Variants in SPOCK1 observed in about 807,000 individuals in gnomAD.
SPOCK1 encodes the protein testican-1.
Under a neutral mutation model 55.3 loss-of-function variants are expected in SPOCK1, and 23 were observed. The ratio of observed to expected loss-of-function variants is 0.42; its 90% CI spans 0.30 to 0.59. The LOEUF (loss-of-function observed/expected upper bound fraction) is 0.59, where lower values mean the gene tolerates loss of function less well. Ranked by LOEUF, SPOCK1 falls within the 20% of genes least tolerant of loss-of-function variation. The pLI, the probability that SPOCK1 is intolerant of heterozygous loss-of-function variation, is 0.22. For synonymous variants in SPOCK1, 226 were observed against 221.0 expected, an observed-to-expected ratio of 1.02 and a Z score of -0.20; for missense variants, 499 against 552.5, an observed-to-expected ratio of 0.90 and a Z score of 0.97.
At chr5:137,235,311 G>T (rs546930416) in intron 3 of SPOCK1, among the ~76,000 whole-genome samples, 1 of 152,192 alleles carries the variant, frequency 6.6e-6, no homozygotes, top group Non-Finnish European at 1.5e-5. Flanking sequence ...AAGGTAAAAG[G>T]GTGTTTATGT....
chr5:137,055,346 C>A (rs1027245994), intron 6 of SPOCK1, among the ~76,000 whole-genome samples: 6 of 152,180 alleles, frequency 3.9e-5, no homozygotes, highest in Admixed American at 3.9e-4. Flanking sequence ...CAGACCCAGT[C>A]ACTGTCCTCA....
chr5:137,345,723 C>G (rs1750542066), intron 2 of SPOCK1, among the ~76,000 whole-genome samples: 1 of 152,210 alleles, frequency 6.6e-6, no homozygotes, highest in East Asian at 1.9e-4. Context: ...GAATGTGTAA[C>G]AAACTGCAGG....
intron 5 of SPOCK1, among the ~76,000 whole-genome samples, chr5:137,097,894 C>T (rs1469699368): frequency 6.6e-6 from 1 of 152,164 alleles, no homozygotes; most frequent in South Asian, 2.1e-4. Flanking sequence ...CTGCCGTTAC[C>T]ACCACCATCG....
intron 3 of SPOCK1, among the ~76,000 whole-genome samples, chr5:137,194,122 C>T (rs73304855): frequency 4.6e-5 from 7 of 152,112 alleles, no homozygotes; most frequent in African/African-American, 7.2e-5. Context: ...AATGGCGAAG[C>T]ATTTAATTGC....
At chr5:137,054,231 CAG>C (rs1169962503) in intron 6 of SPOCK1, among the ~76,000 whole-genome samples, 4 of 152,148 alleles carry the variant, frequency 2.6e-5, no homozygotes, top group Admixed American at 6.5e-5. Flanking sequence ...AACTGAGACT[CAG>C]AGAAGTTAAG....
At chr5:137,356,377 T>C (rs1463675020) in intron 2 of SPOCK1, among the ~76,000 whole-genome samples, 1 of 152,138 alleles carries the variant, frequency 6.6e-6, no homozygotes, top group African/African-American at 2.4e-5. Context: ...GGAAACTTAG[T>C]GGGAAATCTA....
At position 137,247,109 on chromosome 5, in the gene SPOCK1, A is replaced by G. The variant is rs149686098; in HGVS notation, c.232+19901T>C. On this transcript the variant is annotated intron_variant, in intron 3 of 10. Transcript: ENST00000394945. ...GGATGAAGAGACATCAACCAGGGTA[A>G]AGAAGAAACCACGGAGGGAAGGCAG... Among the ~76,000 whole-genome samples, 171 of 152,324 alleles carry G rather than the reference A, an allele frequency of 1.1e-3. 4 individuals are homozygous for G. The Middle Eastern group carries it at 0.014, about 12-fold the overall frequency.
intron 7 of SPOCK1, 87 bp from the exon 8 acceptor site, chr5:136,988,730 G>T (rs1750891853): frequency 1.6e-6 from 2 of 1,258,070 alleles, no homozygotes; most frequent in Non-Finnish European, 2.2e-6. Context: ...CCAAGAAGAT[G>T]CCAAGGCCCA....
chr5:137,221,218 CT>C (rs1243744727), intron 3 of SPOCK1, among the ~76,000 whole-genome samples: 5 of 152,182 alleles, frequency 3.3e-5, no homozygotes, highest in Non-Finnish European at 7.3e-5. Context: ...AAAATTCCAT[CT>C]TTTAAATGTC....
intron 2 of SPOCK1, among the ~76,000 whole-genome samples, chr5:137,428,295 CTT>C (rs1752676058): frequency 6.6e-6 from 1 of 152,168 alleles, no homozygotes; most frequent in Admixed American, 6.5e-5. Context: ...CTTTTAACCT[CTT>C]AAGCAAGAGG....
chr5:137,325,174 T>C (rs1423803408), intron 2 of SPOCK1, among the ~76,000 whole-genome samples: 1 of 152,238 alleles, frequency 6.6e-6, no homozygotes, highest in Non-Finnish European at 1.5e-5. Context: ...GGCTTAATTA[T>C]GTAATTCAAA....
intron 4 of SPOCK1, among the ~76,000 whole-genome samples, chr5:137,115,112 G>A (rs1198275522): frequency 6.6e-6 from 1 of 152,126 alleles, no homozygotes; most frequent in African/African-American, 2.4e-5. Flanking sequence ...AACGAGGTGA[G>A]GCTGACTGGT....
chr5:136,978,847 G>GAA lies in SPOCK1; in HGVS notation c.1130-5_1130-4dup. On this transcript the variant is annotated splice_polypyrimidine_tract_variant and splice_region_variant and intron_variant, in intron 10 of 10. Coordinates refer to ENST00000394945, the MANE Select transcript of SPOCK1 (RefSeq NM_004598.4). ...CCCTGAGGTTTCCTGCTCCTCTTCT[G>GAA]AAAGATTAAAAAAAGCATTGAGGTT... 5 of 1,599,540 alleles carry GAA rather than the reference G, an allele frequency of 3.1e-6. No individual in the cohort carries two copies. Among genetic ancestry groups the GAA allele is most frequent in the Non-Finnish European group, 4.3e-6 (5 of 1,174,702 alleles).
rs1217444217 is a variant in SPOCK1, at chr5:137,160,630, A to AATATATT, written c.233-19937_233-19936insAATATAT. Reference sequence around the variant, plus strand: ...ATAATATATAATATATATTTTATATAATATATAATATATATTTTATATAAT... The same window carrying AATATATT: ...ATAATATATAATATATATTTTATATAATATATTATATATAATATATATTTTATATAAT... On this transcript the variant is annotated intron_variant, in intron 3 of 10. Coordinates refer to ENST00000394945, the MANE Select transcript of SPOCK1 (RefSeq NM_004598.4). 7.9e-4 allele frequency among the ~76,000 whole-genome samples: 72 copies of AATATATT among 90,996 alleles called. 1 individual carries two copies. The highest frequency in any genetic ancestry group is 8.7e-3 in the Middle Eastern group (2 of 230). 59.7% of individuals were successfully genotyped at this position (90,996 alleles called of 152,430 possible). A position where few individuals can be genotyped will look rare whatever the true frequency, so the allele number is the denominator to read the frequency against.
intron 6 of SPOCK1, among the ~76,000 whole-genome samples, chr5:137,034,918 C>T (rs563573407): frequency 3.3e-5 from 5 of 152,112 alleles, no homozygotes; most frequent in African/African-American, 1.2e-4. Context: ...AGGGCACATG[C>T]GGGCGGCCCA....
At chr5:137,425,936 C>A (rs1211419941) in intron 2 of SPOCK1, among the ~76,000 whole-genome samples, 3 of 139,478 alleles carry the variant, frequency 2.2e-5, no homozygotes, top group Non-Finnish European at 4.6e-5. Flanking sequence ...ATGCATTCAT[C>A]TTCTATATTG....
chr5:137,083,049 AG>A (rs1321871135), intron 5 of SPOCK1, among the ~76,000 whole-genome samples: 1 of 152,186 alleles, frequency 6.6e-6, no homozygotes, highest in Non-Finnish European at 1.5e-5. Flanking sequence ...CCAAGCTCTG[AG>A]GGGGGACCCT....
intron 3 of SPOCK1, among the ~76,000 whole-genome samples, chr5:137,141,972 T>A (rs1754107029): frequency 6.6e-6 from 1 of 152,194 alleles, no homozygotes. Flanking sequence ...CGTGCTGAGG[T>A]GCACATGCTC....
At chr5:137,491,445 C>A (rs1319298158) in intron 2 of SPOCK1, among the ~76,000 whole-genome samples, 4 of 152,164 alleles carry the variant, frequency 2.6e-5, no homozygotes, top group Admixed American at 1.3e-4. Flanking sequence ...CTGCAGTGAA[C>A]CCCTCCACTT....
Sources: allele counts gnomAD v4.1 joint callset (sites outside exome capture counted in the v4.1 genomes callset), GRCh38; gene constraint gnomAD v4.1.1; transcripts MANE v1.5; gene names NCBI Gene and HGNC (gene_info 2026-07-23, HGNC 2026-07-21).